The following CT83 variants were observed in gnomAD, a reference collection of about 807,000 sequenced individuals.
CT83 encodes the protein cancer/testis antigen 83, also known as kita-kyushu lung cancer antigen 1.
Under a neutral mutation model 1.7 loss-of-function variants are expected in CT83, and 3 were observed. The ratio of observed to expected loss-of-function variants is 1.76; its 90% CI spans 0.80 to 4.55. The LOEUF is 4.55. Among genes scored for constraint, CT83 ranks in the 30% most tolerant of loss-of-function variants. The pLI is 0.02. For missense variants in CT83, 80 were observed against 84.8 expected (o/e 0.94, Z 0.22); for synonymous variants, 35 against 33.0 (o/e 1.06, Z -0.20).
intron 1 of CT83, 79 bp downstream of exon 1, chrX:116,462,703 C>T: frequency 1.0e-6 from 1 of 980,586 alleles, no homozygotes; most frequent in Non-Finnish European, 1.5e-6. Context: ...CTGTATTTTA[C>T]TCTCTTACAT....
rs1459698074 is a variant in CT83 at position 116,461,783 on chromosome X, G to C, written c.300C>G (p.Ser100Arg). 7 of 1,209,640 alleles carry C rather than the reference G, an allele frequency of 5.8e-6. No homozygotes were observed. Among genetic ancestry groups the C allele is most frequent in the Non-Finnish European group, 6.7e-6 (6 of 895,027 alleles). The change falls in exon 2 of 2, where the codon AGC becomes AGG. Residue 100 changes from serine (S) to arginine (R), a missense_variant. Transcript: ENST00000371894. ...KLVELEHTLLSKGFRGASPHR... is the reference protein window; with the variant it reads ...KLVELEHTLLRKGFRGASPHR... The stretch of plus-strand genomic sequence containing the variant: ...GAGGTGATGCACCTCTGAAACCCTT[G>C]CTAAGTAGAGTATGTTCCAGTTCAA...
In CT83 at chrX:116,461,933, GTTAA is replaced by G. The variant is rs782093516; in HGVS notation, c.146_149del (p.Ile49ThrfsTer18). On this transcript the variant is annotated frameshift_variant, in exon 2 of 2. Coordinates refer to ENST00000371894, the MANE Select transcript of CT83 (RefSeq NM_001017978.4). LOFTEE classifies it low-confidence loss of function (END_TRUNC). ...CTGCAAGATTGTTGTCTGTATTGCT[GTTAA>G]TTAACCCAGAAGAAGAGGGTCTCAC... The G allele has an allele frequency of 5.0e-6, 6 of 1,206,077 alleles. No individual in the cohort carries two copies. Among genetic ancestry groups the G allele is most frequent in the East Asian group, 3.0e-5 (1 of 33,738 alleles).
At chrX:116,462,171 C>T (rs1428408981) in intron 1 of CT83, among the ~76,000 whole-genome samples, 164 bp from the exon 2 acceptor site, 1 of 111,612 alleles carries the variant, frequency 9.0e-6, no homozygotes, top group African/African-American at 3.3e-5. Context: ...AAAATATATT[C>T]TTCCAAAACC....
chrX:116,461,810 C>A lies in CT83; in HGVS notation c.273G>T (p.Leu91=), dbSNP rs928291853. The A allele has an allele frequency of 7.4e-6, 9 of 1,208,932 alleles. No individual in the cohort carries two copies. The highest frequency in any genetic ancestry group is 8.9e-6 in the Non-Finnish European group (8 of 894,638). The change falls in exon 2 of 2, where the codon CTG becomes CTT. Residue 91 remains leucine, a synonymous_variant. Transcript: ENST00000371894. The part of the protein sequence containing the change: ...LVNLSMVENK[L]VELEHTLLSK... ...TAAGTAGAGTATGTTCCAGTTCAAC[C>A]AGCTTGTTTTCCACCATACTGAGGT...
In CT83 at chrX:116,462,759, A is replaced by G. The variant is rs782760031; in HGVS notation, c.75+23T>C. On this transcript the variant is annotated intron_variant, in intron 1 of 1. Coordinates refer to ENST00000371894, the MANE Select transcript of CT83 (RefSeq NM_001017978.4). ...ACTCATCTAGCTTCATCTAATTCAA[A>G]TCTCCCTTACATTCACCATTACCTG... 1.4e-5 allele frequency: 17 copies of G among 1,198,545 alleles called. No homozygotes were observed. The South Asian group carries it at 2.7e-4, about 19-fold the overall frequency.
chrX:116,462,763 C>G lies in CT83; in HGVS notation c.75+19G>C. On this transcript the variant is annotated intron_variant, in intron 1 of 1. Transcript: ENST00000371894. ...ATCTAGCTTCATCTAATTCAAATCT[C>G]CCTTACATTCACCATTACCTGAAAG... 3 of 1,202,115 alleles carry G rather than the reference C, an allele frequency of 2.5e-6. No homozygotes were observed. Among genetic ancestry groups the G allele is most frequent in the Non-Finnish European group, 3.4e-6 (3 of 886,643 alleles).
At chrX:116,462,698 T>A in intron 1 of CT83, 84 bp downstream of exon 1, 3 of 962,245 alleles carry the variant, frequency 3.1e-6, no homozygotes, top group Non-Finnish European at 4.5e-6. Context: ...TTTTACTGTA[T>A]TTTACTCTCT....
Position 116,462,018 on chromosome X carries a change from A to T in CT83, c.76-11T>A. Reference sequence around the variant, plus strand: ...TTCGCCAGTGTTTCTCTGTAAAGAAAGGGAATTATACATACGTAGTTTATC... The same window carrying T: ...TTCGCCAGTGTTTCTCTGTAAAGAATGGGAATTATACATACGTAGTTTATC... On this transcript the variant is annotated splice_polypyrimidine_tract_variant and intron_variant, in intron 1 of 1. Coordinates refer to ENST00000371894, the MANE Select transcript of CT83 (RefSeq NM_001017978.4). 1 of 1,200,830 alleles carries T rather than the reference A, an allele frequency of 8.3e-7. No individual in the cohort carries two copies. Among genetic ancestry groups the T allele is most frequent in the Non-Finnish European group, 1.1e-6 (1 of 885,982 alleles).
In CT83 at chrX:116,461,890, C is replaced by T. The variant is rs781921711; in HGVS notation, c.193G>A (p.Asp65Asn). Reference protein sequence around the residue: ...NNLAVYDLSRDILNNFPHSIA... With the variant: ...NNLAVYDLSRNILNNFPHSIA... Reference sequence around the variant, plus strand: ...GAGTGTGGGAAATTATTTAAAATATCCCGAGAGAGGTCGTAGACTGCAAGA... The same window carrying T: ...GAGTGTGGGAAATTATTTAAAATATTCCGAGAGAGGTCGTAGACTGCAAGA... Residue 65 changes from aspartate to asparagine, a missense_variant, in exon 2 of 2, where the codon GAT (aspartate) becomes AAT (asparagine). By Grantham distance (23) the Asp-to-Asn change is conservative. Transcript: ENST00000371894. 3.3e-6 allele frequency: 4 copies of T among 1,211,001 alleles called. No individual in the cohort carries two copies. In the South Asian group the frequency reaches 7.0e-5, roughly 21 times the overall value.
chrX:116,462,749 T>C, intron 1 of CT83, 33 bp downstream of exon 1: 1 of 1,182,022 alleles, frequency 8.5e-7, no homozygotes, highest in African/African-American at 1.7e-5. Context: ...TCTAGCTTCA[T>C]CTAATTCAAA....
At position 116,462,026 on chromosome X, in the gene CT83, A is replaced by T; in HGVS notation, c.76-19T>A. 1 of 1,179,787 alleles carries T rather than the reference A, an allele frequency of 8.5e-7. No homozygotes were observed. Among genetic ancestry groups the T allele is most frequent in the Non-Finnish European group, 1.1e-6 (1 of 873,160 alleles). ...TGTTTCTCTGTAAAGAAAGGGAATT[A>T]TACATACGTAGTTTATCGAATTAAG... On this transcript the variant is annotated intron_variant, in intron 1 of 1. Transcript: ENST00000371894.
At chrX:116,462,614 C>T (rs1011416035) in intron 1 of CT83, among the ~76,000 whole-genome samples, 168 bp downstream of exon 1, 1 of 111,069 alleles carries the variant, frequency 9.0e-6, no homozygotes, top group Admixed American at 9.5e-5. Context: ...ACAGGAATTG[C>T]GGGAGTAAGC....
chrX:116,462,973 A>G lies in CT83; in HGVS notation c.-117T>C. On this transcript the variant is annotated 5_prime_UTR_variant, in exon 1 of 2. Coordinates refer to ENST00000371894, the MANE Select transcript of CT83 (RefSeq NM_001017978.4). Reference sequence around the variant, plus strand: ...AACTTTGGGCCAGGATGCCTGGTGTAACTGGGAAGTTCTGTGTTGTCCCGC... The same window carrying G: ...AACTTTGGGCCAGGATGCCTGGTGTGACTGGGAAGTTCTGTGTTGTCCCGC... 1 of 651,928 alleles carries G rather than the reference A, an allele frequency of 1.5e-6. No homozygotes were observed. The highest frequency in any genetic ancestry group is 2.5e-6 in the Non-Finnish European group (1 of 406,254). 53.7% of individuals were successfully genotyped at this position (651,928 alleles called of 1,213,427 possible).
In CT83 at chrX:116,462,956, G is replaced by A; in HGVS notation, c.-100C>T. On this transcript the variant is annotated 5_prime_UTR_variant, in exon 1 of 2. Transcript: ENST00000371894. ...GCCGCCTGGATTTGGGAAACTTTGG[G>A]CCAGGATGCCTGGTGTAACTGGGAA... 2 of 771,448 alleles carry A rather than the reference G, an allele frequency of 2.6e-6. No homozygotes were observed. Among genetic ancestry groups the A allele is most frequent in the Non-Finnish European group, 3.9e-6 (2 of 507,624 alleles). The allele number at this position is 771,448 out of a possible 1,213,427, so 63.6% of individuals were successfully genotyped here. A position where few individuals can be genotyped will look rare whatever the true frequency, so the allele number is the denominator to read the frequency against.
rs146387029 is a variant in CT83, at chrX:116,462,857, G to A, written c.-1C>T. On this transcript the variant is annotated 5_prime_UTR_variant, in exon 1 of 2. Coordinates refer to ENST00000371894, the MANE Select transcript of CT83 (RefSeq NM_001017978.4). ...TCGCTAGGAGTAAATAGAAGTTCAT[G>A]TTTCCTCTTCGGCCTCTTCTCCCTT... 164 of 1,209,112 alleles carry A rather than the reference G, an allele frequency of 1.4e-4. No homozygotes were observed. The highest frequency in any genetic ancestry group is 6.3e-4 in the Admixed American group (29 of 45,844).
Position 116,462,937 on chromosome X carries a change from T to A in CT83, c.-81A>T. On this transcript the variant is annotated 5_prime_UTR_variant, in exon 1 of 2. Coordinates refer to ENST00000371894, the MANE Select transcript of CT83 (RefSeq NM_001017978.4). ...GGGAAGCAGTGGGCCTCTAGCCGCC[T>A]GGATTTGGGAAACTTTGGGCCAGGA... The A allele has an allele frequency of 1.0e-6, 1 of 976,869 alleles. No homozygotes were observed. The highest frequency in any genetic ancestry group is 3.1e-5 in the East Asian group (1 of 32,515). 80.5% of individuals were successfully genotyped at this position (976,869 alleles called of 1,213,427 possible).
At chrX:116,462,440 G>A (rs1381884336) in intron 1 of CT83, among the ~76,000 whole-genome samples, 2 of 111,350 alleles carry the variant, frequency 1.8e-5, no homozygotes, top group East Asian at 5.7e-4. Flanking sequence ...GGAGAAGCAA[G>A]AGAAGAAAGA....
chrX:116,462,645 T>A, intron 1 of CT83, 137 bp downstream of exon 1: 2 of 627,412 alleles, frequency 3.2e-6, no homozygotes, highest in Non-Finnish European at 5.1e-6. Flanking sequence ...TGGGGCTCCT[T>A]TGAGCGAAAA....
chrX:116,462,243 A>C (rs1262838344), intron 1 of CT83, among the ~76,000 whole-genome samples: 2 of 111,561 alleles, frequency 1.8e-5, no homozygotes, highest in African/African-American at 6.5e-5. Context: ...TCCTTTCCTT[A>C]CATTTCCTGT....
Sources: allele counts gnomAD v4.1 joint callset (sites outside exome capture counted in the v4.1 genomes callset), GRCh38; gene constraint gnomAD v4.1.1; transcripts MANE v1.5; gene names NCBI Gene and HGNC (gene_info 2026-07-23, HGNC 2026-07-21).